DCAF10: variants seen among roughly 807,000 people sequenced by gnomAD.
DCAF10 encodes DDB1- and CUL4-associated factor 10.
In DCAF10, 19 loss-of-function variants were observed where a neutral mutation model predicts 51.9. That is an observed-to-expected ratio of 0.37 (90% CI 0.26 to 0.54). The LOEUF is 0.54. DCAF10 is among the 20% of genes least tolerant of loss of function. The probability of loss-of-function intolerance (pLI) is 0.87; values close to 1 mark genes in which losing one functional copy is unlikely to be tolerated. For synonymous variants in DCAF10, 291 were observed against 297.1 expected (o/e 0.98, Z 0.21); for missense variants, 510 against 730.6 (o/e 0.70, Z 3.48).
chr9:37,802,272 T>C (rs529092458), intron 1 of DCAF10, among the ~76,000 whole-genome samples: 3 of 152,332 alleles, frequency 2.0e-5, no homozygotes, highest in African/African-American at 4.8e-5. Context: ...ACTGTTTTCA[T>C]TGAGCCTGGG....
chr9:37,846,076 G>A (rs1275130620), intron 3 of DCAF10, among the ~76,000 whole-genome samples: 1 of 151,764 alleles, frequency 6.6e-6, no homozygotes, highest in Non-Finnish European at 1.5e-5. Flanking sequence ...AAAAAAGAAA[G>A]ACCAATCTGT....
At chr9:37,843,573 G>T (rs1589105538) in intron 3 of DCAF10, among the ~76,000 whole-genome samples, 1 of 152,034 alleles carries the variant, frequency 6.6e-6, no homozygotes, top group Middle Eastern at 3.4e-3. Context: ...AAGCAGAGAA[G>T]GGAAGGAAAA....
At chr9:37,850,693 A>G (rs1025149903) in intron 3 of DCAF10, among the ~76,000 whole-genome samples, 21 of 151,506 alleles carry the variant, frequency 1.4e-4, no homozygotes, top group Admixed American at 5.9e-4. Context: ...ATAAAAGTTC[A>G]AGAGATTTAT....
upstream of DCAF10, chr9:37,800,696 C>G (rs1828890043): frequency 6.5e-7 from 1 of 1,535,956 alleles, no homozygotes; most frequent in South Asian, 1.2e-5. Context: ...GCGCCCCAAA[C>G]CCGGCGGTGT....
At chr9:37,847,633 T>TACTGGAGGTGCAACATTGC (rs1025608057) in intron 3 of DCAF10, among the ~76,000 whole-genome samples, 2 of 152,276 alleles carry the variant, frequency 1.3e-5, no homozygotes, top group African/African-American at 2.4e-5. Flanking sequence ...TTTGAAATTA[T>TACTGGAGGTGCAACATTGC]ACTGGAGGTG....
intron 1 of DCAF10, among the ~76,000 whole-genome samples, chr9:37,814,414 C>A (rs953694543): frequency 1.4e-5 from 2 of 146,466 alleles, no homozygotes; most frequent in South Asian, 2.2e-4. Flanking sequence ...TCCTAAAGTG[C>A]TGGGGTTACA....
chr9:37,818,979 A>C (rs923926098), intron 1 of DCAF10, among the ~76,000 whole-genome samples: 1 of 152,222 alleles, frequency 6.6e-6, no homozygotes, highest in Non-Finnish European at 1.5e-5. Context: ...GTAAGTAATT[A>C]GTTCTCTAGA....
In DCAF10 at chr9:37,801,334, C is replaced by T; in HGVS notation, c.468C>T (p.His156=). 1.3e-6 allele frequency: 2 copies of T among 1,586,064 alleles called. No homozygotes were observed. The highest frequency in any genetic ancestry group is 2.3e-5 in the South Asian group (2 of 87,484). ...TGACTAGCCTCTACGGTTCCATCCA[C>T]CCCGCGGACTCGGTGTACCTCAGCA... ...RTMTSLYGSI[H]PADSVYLSTR... is the part of the protein sequence containing the mutation. The change falls in exon 1 of 7, where the codon CAC becomes CAT. Residue 156 remains histidine (H), a synonymous_variant. Coordinates refer to ENST00000377724, the MANE Select transcript of DCAF10 (RefSeq NM_024345.5). The surrounding 1 kb of genome is among the most constrained non-coding windows in gnomAD (Gnocchi z 5.5).
chr9:37,800,977 A>G lies in DCAF10; in HGVS notation c.111A>G (p.Pro37=). Residue 37 remains proline, a synonymous_variant, in exon 1 of 7, where the codon CCA becomes CCG. Transcript: ENST00000377724. Reference sequence around the variant, plus strand: ...CAGCAGCCACCGGGCCGCCCTCGCCACTACATCCCGGGGCTGATGCGACCC... The same window carrying G: ...CAGCAGCCACCGGGCCGCCCTCGCCGCTACATCCCGGGGCTGATGCGACCC... ...GQAAATGPPS[P]LHPGADATHP... The G allele has an allele frequency of 6.6e-7, 1 of 1,523,776 alleles. No homozygotes were observed. The highest frequency in any genetic ancestry group is 8.7e-7 in the Non-Finnish European group (1 of 1,144,754). 94.4% of individuals were successfully genotyped at this position (1,523,776 alleles called of 1,614,324 possible). A position where few individuals can be genotyped will look rare whatever the true frequency, so the allele number is the denominator to read the frequency against.
chr9:37,852,699 C>G (rs1715078305), intron 3 of DCAF10, among the ~76,000 whole-genome samples: 1 of 151,934 alleles, frequency 6.6e-6, no homozygotes, highest in African/African-American at 2.4e-5. Flanking sequence ...CACCAGAGGT[C>G]AGGATTTTGA....
intron 2 of DCAF10, among the ~76,000 whole-genome samples, chr9:37,823,111 T>G (rs999115684): frequency 2.6e-4 from 40 of 152,080 alleles, no homozygotes; most frequent in Middle Eastern, 6.8e-3. Context: ...ATAAAAAAGG[T>G]TAAAATATGA....
At chr9:37,804,776 A>C in intron 1 of DCAF10, among the ~76,000 whole-genome samples, 1 of 145,398 alleles carries the variant, frequency 6.9e-6, no homozygotes, top group Non-Finnish European at 1.5e-5. Flanking sequence ...AACTCCATTT[A>C]AAAAAAAAAA....
chr9:37,821,004 C>T (rs1355465196), intron 2 of DCAF10, among the ~76,000 whole-genome samples: 1 of 152,018 alleles, frequency 6.6e-6, no homozygotes, highest in Non-Finnish European at 1.5e-5. Context: ...ACCTCTTTCA[C>T]CTAGCCACCC....
intron 3 of DCAF10, among the ~76,000 whole-genome samples, 164 bp downstream of exon 3, chr9:37,842,450 G>A (rs1219999700): frequency 1.3e-5 from 2 of 152,056 alleles, no homozygotes; most frequent in Non-Finnish European, 2.9e-5. Context: ...GTCATATATT[G>A]CAACTAAAAA....
chr9:37,835,610 C>T (rs1830138569), intron 2 of DCAF10, among the ~76,000 whole-genome samples: 1 of 151,256 alleles, frequency 6.6e-6, no homozygotes, highest in South Asian at 2.1e-4. Flanking sequence ...TGGTGGCGGG[C>T]ACCTGTAATC....
At chr9:37,848,963 A>C in intron 3 of DCAF10, among the ~76,000 whole-genome samples, 1 of 139,592 alleles carries the variant, frequency 7.2e-6, no homozygotes, top group Admixed American at 7.5e-5. Flanking sequence ...ACACAGCGAG[A>C]CTCTGTCTCA....
chr9:37,814,278 A>G (rs1271503656), intron 1 of DCAF10, among the ~76,000 whole-genome samples: 2 of 144,592 alleles, frequency 1.4e-5, no homozygotes, highest in Non-Finnish European at 3.0e-5. Context: ...AGCTGGAATT[A>G]CAGGCATGTG....
intron 1 of DCAF10, among the ~76,000 whole-genome samples, chr9:37,807,996 T>A (rs891627351): frequency 1.3e-5 from 2 of 152,054 alleles, no homozygotes; most frequent in African/African-American, 2.4e-5. Context: ...CACACTTAAC[T>A]GTATGTAACA....
intron 2 of DCAF10, chr9:37,832,143 TAAA>T (rs1211106514): frequency 3.3e-5 from 4 of 119,698 alleles, no homozygotes; most frequent in Admixed American, 8.2e-5. Context: ...TTGAACCATC[TAAA>T]AAAAAATAAT....
Sources: allele counts gnomAD v4.1 joint callset (sites outside exome capture counted in the v4.1 genomes callset), GRCh38; gene constraint gnomAD v4.1.1; non-coding constraint Gnocchi (gnomAD v3.1); transcripts MANE v1.5; gene names NCBI Gene and HGNC (gene_info 2026-07-23, HGNC 2026-07-21).